CACNG2: variants seen among roughly 807,000 people sequenced by gnomAD.
CACNG2 encodes voltage-dependent calcium channel gamma-2 subunit.
In CACNG2, 3 loss-of-function variants were observed where a neutral mutation model predicts 25.9. The ratio of observed to expected loss-of-function variants is 0.12; its 90% CI spans 0.05 to 0.30. CACNG2 has a LOEUF of 0.30. CACNG2 is among the 10% of genes least tolerant of loss of function. CACNG2 has a pLI of 1.00. For missense variants in CACNG2, 341 were observed against 432.5 expected (o/e 0.79, Z 1.88); for synonymous variants, 167 against 173.3 (o/e 0.96, Z 0.29).
Position 36,702,762 on chromosome 22 carries a change from A to G in CACNG2, c.-186T>C. The G allele has an allele frequency of 1.7e-6, 1 of 572,856 alleles. No homozygotes were observed. The highest frequency in any genetic ancestry group is 3.1e-6 in the Non-Finnish European group (1 of 326,740). 35.5% of individuals were successfully genotyped at this position (572,856 alleles called of 1,614,324 possible). ...AAAGGGAGGTAAGAAAGCTCACGGA[A>G]AAGAGTGTAAATTATAAAGATCACA... On this transcript the variant is annotated 5_prime_UTR_variant, in exon 1 of 4. Coordinates refer to ENST00000300105, the MANE Select transcript of CACNG2 (RefSeq NM_006078.5).
At chr22:36,701,724 C>T (rs369512682) in intron 1 of CACNG2, among the ~76,000 whole-genome samples, 14 of 152,096 alleles carry the variant, frequency 9.2e-5, no homozygotes, top group African/African-American at 2.4e-4. Flanking sequence ...ACTTTGTAAA[C>T]GTTAAAATAC....
intron 1 of CACNG2, among the ~76,000 whole-genome samples, chr22:36,598,167 G>C (rs1016615929): frequency 6.6e-6 from 1 of 152,112 alleles, no homozygotes; most frequent in African/African-American, 2.4e-5. Flanking sequence ...CCTGAAAAAA[G>C]TTTATTGAAC....
intron 1 of CACNG2, among the ~76,000 whole-genome samples, chr22:36,629,977 A>C (rs1369761550): frequency 6.6e-6 from 1 of 152,196 alleles, no homozygotes; most frequent in African/African-American, 2.4e-5. Flanking sequence ...ATCACCTTCC[A>C]TGCTGCCCCC....
rs554102568 is a variant in CACNG2, at chr22:36,703,452, G to C, written c.-876C>G. 1.4e-4 allele frequency: 21 copies of C among 152,780 alleles called. No homozygotes were observed. In the South Asian group the frequency reaches 4.0e-3, roughly 29 times the overall value. 9.5% of individuals were successfully genotyped at this position (152,780 alleles called of 1,614,324 possible). ...CGAGGGAGCCGGCGTCTTGCTGCAG[G>C]GTGGGCCGCGCGCCTGCCCCCCACT... On this transcript the variant is annotated 5_prime_UTR_variant, in exon 1 of 4. Transcript: ENST00000300105.
At position 36,672,152 on chromosome 22, in the gene CACNG2, T is replaced by A. The variant is rs1936960391; in HGVS notation, c.211+30214A>T. Among the ~76,000 whole-genome samples the A allele has an allele frequency of 3.3e-5, 5 of 151,746 alleles. No homozygotes were observed. The South Asian group carries it at 1.0e-3, about 32-fold the overall frequency. On this transcript the variant is annotated intron_variant, in intron 1 of 3. Coordinates refer to ENST00000300105, the MANE Select transcript of CACNG2 (RefSeq NM_006078.5). ...GAAGGGGCCCTGGTGGGGCTACATT[T>A]TTTTTTTTCTTTTTTTCTTTTTTTG...
chr22:36,685,448 C>T (rs1243677301), intron 1 of CACNG2, among the ~76,000 whole-genome samples: 1 of 152,126 alleles, frequency 6.6e-6, no homozygotes, highest in East Asian at 1.9e-4. Context: ...CTCTGGTGCT[C>T]TGCAAAGCCG....
Position 36,573,408 on chromosome 22 carries a change from G to A in CACNG2, c.296-6915C>T, listed in dbSNP as rs1015700490. On this transcript the variant is annotated intron_variant, in intron 2 of 3. Coordinates refer to ENST00000300105, the MANE Select transcript of CACNG2 (RefSeq NM_006078.5). ...AGCAGTGGCGTGATCTCGGCTCACT[G>A]TAACCTCTGCCTCCTGGGTTTGAGT... is the stretch of plus-strand genomic sequence containing the variant. Among the ~76,000 whole-genome samples the A allele has an allele frequency of 3.3e-5, 5 of 152,230 alleles. No individual in the cohort carries two copies. In the South Asian group the frequency reaches 8.3e-4, roughly 25 times the overall value.
At chr22:36,602,151 C>T (rs923239364) in intron 1 of CACNG2, among the ~76,000 whole-genome samples, 1 of 152,048 alleles carries the variant, frequency 6.6e-6, no homozygotes, top group Non-Finnish European at 1.5e-5. Context: ...GTCCTCTGCT[C>T]ATTTTTAAAT....
intron 1 of CACNG2, among the ~76,000 whole-genome samples, chr22:36,632,838 C>T (rs758254149): frequency 3.9e-5 from 6 of 152,014 alleles, no homozygotes; most frequent in Non-Finnish European, 5.9e-5. Context: ...TCTAGCTATC[C>T]TTACCCTTCA....
chr22:36,624,986 C>T lies in CACNG2; in HGVS notation c.212-37438G>A, dbSNP rs187953369. ...GAGGTTGCCGTGAGCCGAGATCATGCCACTGCACTCCAGCCTGGCAACAGA... is the reference window on the plus strand; with the variant it reads ...GAGGTTGCCGTGAGCCGAGATCATGTCACTGCACTCCAGCCTGGCAACAGA... On this transcript the variant is annotated intron_variant, in intron 1 of 3. Coordinates refer to ENST00000300105, the MANE Select transcript of CACNG2 (RefSeq NM_006078.5). Among the ~76,000 whole-genome samples the T allele has an allele frequency of 3.5e-3, 505 of 142,642 alleles. 7 individuals carry two copies. Among genetic ancestry groups the T allele is most frequent in the African/African-American group, 0.013 (477 of 36,572 alleles). 93.6% of individuals were successfully genotyped at this position (142,642 alleles called of 152,430 possible).
At chr22:36,655,678 C>T (rs1294634992) in intron 1 of CACNG2, among the ~76,000 whole-genome samples, 1 of 151,508 alleles carries the variant, frequency 6.6e-6, no homozygotes, top group Non-Finnish European at 1.5e-5. Context: ...TCTTTCTCTT[C>T]CTTTCTTCCT....
Position 36,563,542 on chromosome 22 carries a change from A to C in CACNG2, c.*809T>G, listed in dbSNP as rs1299727041. On this transcript the variant is annotated 3_prime_UTR_variant, in exon 4 of 4. Transcript: ENST00000300105. ...CATCACAGTGGGTTAAGGAGCATTA[A>C]GGACTGGGAACCTGGGGCCAGGCAA... Among the ~76,000 whole-genome samples, 1 of 152,162 alleles carries C rather than the reference A, an allele frequency of 6.6e-6. No individual in the cohort carries two copies. Among genetic ancestry groups the C allele is most frequent in the African/African-American group, 2.4e-5 (1 of 41,444 alleles).
At chr22:36,590,518 A>G (rs934453583) in intron 1 of CACNG2, among the ~76,000 whole-genome samples, 3 of 151,822 alleles carry the variant, frequency 2.0e-5, no homozygotes, top group East Asian at 1.9e-4. Flanking sequence ...GGCTCCATCC[A>G]TCAGGGCGTC....
At chr22:36,609,869 G>A (rs939014618) in intron 1 of CACNG2, among the ~76,000 whole-genome samples, 1 of 130,590 alleles carries the variant, frequency 7.7e-6, no homozygotes, top group African/African-American at 3.0e-5. Flanking sequence ...AATCAGCCCC[G>A]CAAACCATGA....
In CACNG2 at chr22:36,629,685, C is replaced by CTTCA. The variant is rs557166064; in HGVS notation, c.212-42141_212-42138dup. On this transcript the variant is annotated intron_variant, in intron 1 of 3. Transcript: ENST00000300105. Reference sequence around the variant, plus strand: ...AGTAGAACAGTCATTTGTTCATTCACTTCATTCATTCATTCATTCATTCAT... The same window carrying CTTCA: ...AGTAGAACAGTCATTTGTTCATTCACTTCATTCATTCATTCATTCATTCATTCAT... 3.6e-3 allele frequency among the ~76,000 whole-genome samples: 541 copies of CTTCA among 152,114 alleles called. 4 individuals are homozygous for CTTCA. Among genetic ancestry groups the CTTCA allele is most frequent in the South Asian group, 0.027 (131 of 4,816 alleles).
At chr22:36,668,210 C>T (rs1936899822) in intron 1 of CACNG2, among the ~76,000 whole-genome samples, 1 of 152,226 alleles carries the variant, frequency 6.6e-6, no homozygotes, top group Non-Finnish European at 1.5e-5. Flanking sequence ...TCACCATGAT[C>T]ATGCACGGCC....
At chr22:36,615,753 G>A (rs1010644772) in intron 1 of CACNG2, among the ~76,000 whole-genome samples, 2 of 126,002 alleles carry the variant, frequency 1.6e-5, no homozygotes, top group Non-Finnish European at 3.4e-5. Context: ...TGTAGCAGGT[G>A]CTCAGTAAAT....
chr22:36,584,304 ATTAGCCAGGCATGG>A (rs1935465873), intron 2 of CACNG2, among the ~76,000 whole-genome samples: 1 of 152,184 alleles, frequency 6.6e-6, no homozygotes, highest in Non-Finnish European at 1.5e-5. Flanking sequence ...ATACAAAAAA[ATTAGCCAGGCATGG>A]TGGCGCATGC....
intron 1 of CACNG2, among the ~76,000 whole-genome samples, chr22:36,661,769 G>A (rs1032507874): frequency 6.6e-6 from 1 of 152,086 alleles, no homozygotes; most frequent in African/African-American, 2.4e-5. Flanking sequence ...GTGGCCTCAT[G>A]GGCCTGGGAA....
Sources: allele counts gnomAD v4.1 joint callset (sites outside exome capture counted in the v4.1 genomes callset), GRCh38; gene constraint gnomAD v4.1.1; transcripts MANE v1.5; gene names NCBI Gene and HGNC (gene_info 2026-07-23, HGNC 2026-07-21).